Variants in TFDP2 observed in about 807,000 individuals in gnomAD.
TFDP2 encodes the protein transcription factor Dp-2 (E2F dimerization partner 2).
Under a neutral mutation model 59.3 loss-of-function variants are expected in TFDP2, and 17 were observed. The observed-to-expected ratio is 0.29, with a 90% CI of 0.20 to 0.43. The LOEUF (loss-of-function observed/expected upper bound fraction) is 0.43, where lower values mean the gene tolerates loss of function less well. Among genes scored for constraint, TFDP2 ranks in the 20% least tolerant of loss-of-function variants. The probability of loss-of-function intolerance (pLI) is 1.00; values close to 1 mark genes in which losing one functional copy is unlikely to be tolerated. For missense variants in TFDP2, 391 were observed against 528.8 expected (o/e 0.74, Z 2.56); for synonymous variants, 180 against 194.7 (o/e 0.92, Z 0.63).
intron 1 of TFDP2, among the ~76,000 whole-genome samples, chr3:142,104,151 C>T (rs1260375375): frequency 6.6e-6 from 1 of 152,126 alleles, no homozygotes; most frequent in Non-Finnish European, 1.5e-5. Context: ...GTTTTGCTTA[C>T]AGTAGTTGTA....
chr3:142,006,348 C>A (rs1171127985), intron 3 of TFDP2, among the ~76,000 whole-genome samples: 2 of 152,114 alleles, frequency 1.3e-5, no homozygotes. Context: ...AAGGCCAACA[C>A]TAAAACCCTG....
At chr3:142,099,178 A>G (rs2061250419) in intron 2 of TFDP2, among the ~76,000 whole-genome samples, 1 of 152,178 alleles carries the variant, frequency 6.6e-6, no homozygotes, top group Admixed American at 6.5e-5. Flanking sequence ...CATGTGACAC[A>G]ATTGATCACT....
intron 1 of TFDP2, among the ~76,000 whole-genome samples, chr3:142,124,616 C>T (rs777362453): frequency 2.6e-5 from 4 of 152,064 alleles, no homozygotes; most frequent in Non-Finnish European, 4.4e-5. Context: ...GAAGAAAACA[C>T]GGAAGTTAAA....
chr3:142,070,671 ACTTT>A (rs1386493140), intron 3 of TFDP2, among the ~76,000 whole-genome samples: 1 of 152,090 alleles, frequency 6.6e-6, no homozygotes, highest in Non-Finnish European at 1.5e-5. Context: ...ATTTCTGTGA[ACTTT>A]CTTTTCATAA....
At position 142,117,954 on chromosome 3, in the gene TFDP2, C is replaced by T. The variant is rs1030744212; in HGVS notation, c.-92-16113G>A. 8.5e-5 allele frequency among the ~76,000 whole-genome samples: 13 copies of T among 152,112 alleles called. No individual in the cohort carries two copies. In the East Asian group the frequency reaches 2.3e-3, roughly 27 times the overall value. Reference sequence around the variant, plus strand: ...TCTACAAAAATATACAGAAATTAGCCGGGTGTGGTGGCATGCGCCTGTAAT... The same window carrying T: ...TCTACAAAAATATACAGAAATTAGCTGGGTGTGGTGGCATGCGCCTGTAAT... On this transcript the variant is annotated intron_variant, in intron 1 of 12. Coordinates refer to ENST00000489671, the MANE Select transcript of TFDP2 (RefSeq NM_001178139.2).
intron 7 of TFDP2, among the ~76,000 whole-genome samples, chr3:141,974,907 C>CTTTTTTTTTTTTT (rs753702830): frequency 5.5e-5 from 5 of 90,500 alleles, no homozygotes; most frequent in African/African-American, 1.4e-4. Context: ...TCTTCTTCTT[C>CTTTTTTTTTTTTT]TTTTTTTTTT....
chr3:141,991,725 G>A (rs1229465270), intron 6 of TFDP2, among the ~76,000 whole-genome samples: 2 of 151,976 alleles, frequency 1.3e-5, no homozygotes, highest in Non-Finnish European at 2.9e-5. Context: ...CTCCAGCCTG[G>A]GCAACAGAGT....
chr3:141,956,413 G>T (rs577820511), intron 11 of TFDP2, among the ~76,000 whole-genome samples: 1 of 151,998 alleles, frequency 6.6e-6, no homozygotes, highest in African/African-American at 2.4e-5. Context: ...TTAGCTGGGC[G>T]TGGTGGTGGG....
At chr3:142,065,493 T>TGTGTGTGTGTGTGTGG (rs1489090841) in intron 3 of TFDP2, among the ~76,000 whole-genome samples, 1 of 149,008 alleles carries the variant, frequency 6.7e-6, no homozygotes, top group African/African-American at 2.5e-5. Flanking sequence ...ATTCACTCTG[T>TGTGTGTGTGTGTGTGG]GTGTGTGTGT....
chr3:142,147,112 A>C (rs1560194754), intron 1 of TFDP2, among the ~76,000 whole-genome samples: 1 of 151,998 alleles, frequency 6.6e-6, no homozygotes, highest in Non-Finnish European at 1.5e-5. Flanking sequence ...AAACTATGAC[A>C]CTATAAATAG....
chr3:141,963,937 C>G lies in TFDP2; in HGVS notation c.759G>C (p.Gln253His). The G allele has an allele frequency of 6.2e-7, 1 of 1,613,688 alleles. No individual in the cohort carries two copies. Among genetic ancestry groups the G allele is most frequent in the Non-Finnish European group, 8.5e-7 (1 of 1,179,946 alleles). The change falls in exon 10 of 13, where the codon CAG becomes CAC. Residue 253 changes from glutamine (Q) to histidine (H), a missense_variant. Physicochemically the swap from Gln to His is conservative, Grantham distance 24 (BLOSUM62 0). Coordinates refer to ENST00000489671, the MANE Select transcript of TFDP2 (RefSeq NM_001178139.2). ...TTTGCTGCTCATTTTGTCGATTTCT[C>G]TGTACCAGGTTTTTGAAAGCGATTT... ...LQQIAFKNLVQRNRQNEQQNQ... is the reference protein window; with the variant it reads ...LQQIAFKNLVHRNRQNEQQNQ...
chr3:142,102,682 A>C (rs890852598), intron 1 of TFDP2, among the ~76,000 whole-genome samples: 2 of 152,200 alleles, frequency 1.3e-5, no homozygotes, highest in Non-Finnish European at 2.9e-5. Context: ...GGCATAAATC[A>C]CTTTAGCCAA....
At chr3:142,034,170 A>G (rs1576789243) in intron 3 of TFDP2, among the ~76,000 whole-genome samples, 1 of 139,444 alleles carries the variant, frequency 7.2e-6, no homozygotes, top group South Asian at 2.2e-4. Context: ...ATCTCGGCTC[A>G]CCTCAACCTC....
intron 1 of TFDP2, among the ~76,000 whole-genome samples, chr3:142,147,957 T>A (rs1233935420): frequency 6.6e-6 from 1 of 151,768 alleles, no homozygotes; most frequent in Admixed American, 6.6e-5. Context: ...GCAATATAGA[T>A]CAATTAAACT....
chr3:141,972,189 T>C (rs1375848797), intron 8 of TFDP2, among the ~76,000 whole-genome samples: 1 of 152,150 alleles, frequency 6.6e-6, no homozygotes, highest in African/African-American at 2.4e-5. Context: ...TGTAGGAGCA[T>C]CCCTTTATCA....
chr3:141,993,042 A>G (rs976911676), intron 6 of TFDP2, among the ~76,000 whole-genome samples: 2 of 151,592 alleles, frequency 1.3e-5, no homozygotes, highest in Non-Finnish European at 2.9e-5. Context: ...TAAATGTTTT[A>G]AGAAAAACTT....
chr3:142,004,771 T>C (rs1044190606), intron 4 of TFDP2, among the ~76,000 whole-genome samples: 4 of 152,108 alleles, frequency 2.6e-5, no homozygotes, highest in African/African-American at 9.7e-5. Flanking sequence ...TGAGAATACA[T>C]AGTTTAGAGT....
Position 141,959,785 on chromosome 3 carries a change from C to G in TFDP2, c.940G>C (p.Val314Leu), listed in dbSNP as rs1937133367. The change falls in exon 11 of 13, where the codon GTA (valine) becomes CTA (leucine). Residue 314 changes from valine (V) to leucine (L), a missense_variant. Val to Leu is a conservative substitution (Grantham distance 32). This residue lies in a region of TFDP2 where 223 missense variants were observed against 292.5 expected (regional missense o/e 0.76). Transcript: ENST00000489671. Reference sequence around the variant, plus strand: ...AACGACATTCCCATCCGCTTTAGTACTTCTATGTCATCATGGATCTCAAAG... The same window carrying G: ...AACGACATTCCCATCCGCTTTAGTAGTTCTATGTCATCATGGATCTCAAAG... ...NTFEIHDDIE[V>L]LKRMGMSFGL... 3 of 1,614,176 alleles carry G rather than the reference C, an allele frequency of 1.9e-6. No homozygotes were observed. Among genetic ancestry groups the G allele is most frequent in the Non-Finnish European group, 2.5e-6 (3 of 1,180,034 alleles).
intron 11 of TFDP2, among the ~76,000 whole-genome samples, chr3:141,958,265 T>C (rs1226917838): frequency 6.6e-6 from 1 of 152,150 alleles, no homozygotes; most frequent in Non-Finnish European, 1.5e-5. Flanking sequence ...AATAAACAGA[T>C]AAGCTGTGAT....
Sources: allele counts gnomAD v4.1 joint callset (sites outside exome capture counted in the v4.1 genomes callset), GRCh38; gene constraint gnomAD v4.1.1; regional missense constraint gnomAD v4.1.1; transcripts MANE v1.5; gene names NCBI Gene and HGNC (gene_info 2026-07-23, HGNC 2026-07-21).